Variants in LUZP2 observed in about 807,000 individuals in gnomAD.
The protein encoded by LUZP2 is leucine zipper protein 2.
A neutral mutation model predicts 51.6 loss-of-function variants in LUZP2; 52 were observed. The ratio of observed to expected loss-of-function variants is 1.01; its 90% CI spans 0.81 to 1.27. The LOEUF (loss-of-function observed/expected upper bound fraction) is 1.27. Ranked by LOEUF, LUZP2 falls within the 50% of genes most tolerant of loss-of-function variation. LUZP2 has a pLI of 0.00. For synonymous variants in LUZP2, 154 were observed against 137.3 expected, an observed-to-expected ratio of 1.12 and a Z score of -0.85; for missense variants, 436 against 395.4, an observed-to-expected ratio of 1.10 and a Z score of -0.87.
intron 5 of LUZP2, among the ~76,000 whole-genome samples, chr11:24,850,397 T>C (rs1851354382): frequency 6.6e-6 from 1 of 152,212 alleles, no homozygotes; most frequent in African/African-American, 2.4e-5. Flanking sequence ...TCCCCATTGC[T>C]TGTTTTTGTC....
At chr11:24,622,774 A>G (rs898458050) in intron 1 of LUZP2, among the ~76,000 whole-genome samples, 2 of 152,150 alleles carry the variant, frequency 1.3e-5, no homozygotes. Flanking sequence ...CGGAGTTTGG[A>G]AATATAAATA....
chr11:24,714,134 C>T (rs2133937195), intron 1 of LUZP2, among the ~76,000 whole-genome samples: 1 of 151,870 alleles, frequency 6.6e-6, no homozygotes, highest in Non-Finnish European at 1.5e-5. Context: ...GTATATAAGA[C>T]ATATGTTGGG....
intron 7 of LUZP2, among the ~76,000 whole-genome samples, chr11:24,957,364 G>A (rs1855240543): frequency 6.6e-6 from 1 of 151,832 alleles, no homozygotes; most frequent in Non-Finnish European, 1.5e-5. Context: ...ATTTTTTATA[G>A]TGAGAACACT....
chr11:24,699,113 A>T (rs1406176086), intron 1 of LUZP2, among the ~76,000 whole-genome samples: 1 of 151,532 alleles, frequency 6.6e-6, no homozygotes, highest in Non-Finnish European at 1.5e-5. Context: ...ACACACACAC[A>T]CACACACACA....
chr11:24,701,906 A>G (rs1001657329), intron 1 of LUZP2, among the ~76,000 whole-genome samples: 3 of 152,204 alleles, frequency 2.0e-5, no homozygotes, highest in African/African-American at 4.8e-5. Flanking sequence ...ATGGAGTCAC[A>G]GTTCTGCATT....
intron 7 of LUZP2, among the ~76,000 whole-genome samples, chr11:24,960,411 AT>A (rs1855356919): frequency 6.6e-6 from 1 of 152,118 alleles, no homozygotes; most frequent in East Asian, 1.9e-4. Context: ...GCTATTGATT[AT>A]TGCCTCAATT....
chr11:24,772,017 T>G (rs1300135303), intron 5 of LUZP2, among the ~76,000 whole-genome samples: 2 of 152,154 alleles, frequency 1.3e-5, no homozygotes, highest in Non-Finnish European at 2.9e-5. Flanking sequence ...GACAATACAA[T>G]TCCTAATTAG....
chr11:24,729,131 C>T, intron 1 of LUZP2, 38 bp from the exon 2 acceptor site: 1 of 1,126,372 alleles, frequency 8.9e-7, no homozygotes, highest in East Asian at 2.7e-5. Context: ...CAAGTGGAAC[C>T]ATTTGGGGGG....
chr11:24,956,462 A>G (rs923726109), intron 7 of LUZP2, among the ~76,000 whole-genome samples: 1 of 152,112 alleles, frequency 6.6e-6, no homozygotes, highest in Non-Finnish European at 1.5e-5. Flanking sequence ...AGCCATAGGA[A>G]ACTAATATAA....
intron 9 of LUZP2, among the ~76,000 whole-genome samples, chr11:25,019,319 G>C (rs1857259563): frequency 6.6e-6 from 1 of 152,082 alleles, no homozygotes; most frequent in Non-Finnish European, 1.5e-5. Context: ...TTTTACATGA[G>C]AGTAAACAGA....
At chr11:24,865,045 T>C (rs1474816381) in intron 5 of LUZP2, among the ~76,000 whole-genome samples, 1 of 152,174 alleles carries the variant, frequency 6.6e-6, no homozygotes, top group Non-Finnish European at 1.5e-5. Context: ...CTGTGAAGTA[T>C]TGATGCTGGC....
chr11:25,055,994 A>G (rs1858675517), intron 10 of LUZP2, among the ~76,000 whole-genome samples: 1 of 152,166 alleles, frequency 6.6e-6, no homozygotes, highest in African/African-American at 2.4e-5. Context: ...TCCCTTATGA[A>G]AGCTATGCCT....
At chr11:24,697,887 A>T (rs190758278) in intron 1 of LUZP2, among the ~76,000 whole-genome samples, 4 of 152,232 alleles carry the variant, frequency 2.6e-5, no homozygotes, top group Non-Finnish European at 4.4e-5. Context: ...GAATGACGCC[A>T]CTTGGATCCA....
chr11:24,701,741 C>A (rs7110100), intron 1 of LUZP2, among the ~76,000 whole-genome samples: 116,781 of 151,996 alleles, frequency 0.77, 45,304 homozygotes, highest in East Asian at 0.95. Flanking sequence ...TAAGAGGTGA[C>A]ATTATTTGTC....
chr11:24,938,444 A>T (rs1854651555), intron 7 of LUZP2, among the ~76,000 whole-genome samples: 1 of 151,974 alleles, frequency 6.6e-6, no homozygotes, highest in Non-Finnish European at 1.5e-5. Context: ...GATGCATCAG[A>T]CTCCTTTGCT....
intron 1 of LUZP2, among the ~76,000 whole-genome samples, chr11:24,708,615 A>G (rs536344499): frequency 1.3e-5 from 2 of 152,128 alleles, no homozygotes; most frequent in African/African-American, 4.8e-5. Flanking sequence ...GTAGGCCTAT[A>G]AGAATCACCT....
chr11:24,754,267 G>T (rs1295931288), intron 4 of LUZP2, among the ~76,000 whole-genome samples: 1 of 152,070 alleles, frequency 6.6e-6, no homozygotes, highest in African/African-American at 2.4e-5. Flanking sequence ...AAAGTCCTAG[G>T]ATTACAGTTG....
chr11:24,676,661 G>GT (rs1387919524), intron 1 of LUZP2, among the ~76,000 whole-genome samples: 1,034 of 97,694 alleles, frequency 0.011, 6 homozygotes, highest in African/African-American at 0.014. Flanking sequence ...GTTTTTGTTT[G>GT]TTTTTTTTTT....
chr11:24,659,276 A>G (rs938812224), intron 1 of LUZP2, among the ~76,000 whole-genome samples: 4 of 152,196 alleles, frequency 2.6e-5, no homozygotes, highest in Non-Finnish European at 5.9e-5. Flanking sequence ...TTGTAGGGAC[A>G]TGGATGAAGC....
Sources: gnomAD v4.1 joint callset for allele counts (sites outside exome capture counted in the v4.1 genomes callset) on GRCh38, gnomAD v4.1.1 for gene constraint, MANE v1.5 for transcripts, NCBI Gene and HGNC (gene_info 2026-07-23, HGNC 2026-07-21) for gene names.